TM6SF2: variants seen among roughly 807,000 people sequenced by gnomAD.
TM6SF2 encodes transmembrane 6 superfamily member 2.
Under a neutral mutation model 41.0 loss-of-function variants are expected in TM6SF2, and 29 were observed. That is an observed-to-expected ratio of 0.71 (90% CI 0.53 to 0.96). The LOEUF (loss-of-function observed/expected upper bound fraction) is 0.96, where lower values mean the gene tolerates loss of function less well. TM6SF2 is among the 50% of genes least tolerant of loss of function. TM6SF2 has a pLI of 0.00. For synonymous variants in TM6SF2, 200 were observed against 209.1 expected, an observed-to-expected ratio of 0.96 and a Z score of 0.37; for missense variants, 475 against 499.0, an observed-to-expected ratio of 0.95 and a Z score of 0.46.
Position 19,267,984 on chromosome 19 carries a change from A to G in TM6SF2, c.711+2T>C. On this transcript the variant is annotated splice_donor_variant, in intron 7 of 9. Coordinates refer to ENST00000389363, the MANE Select transcript of TM6SF2 (RefSeq NM_001001524.3). LOFTEE classifies it high-confidence loss of function. Reference sequence around the variant, plus strand: ...GGGGGAGACCAACCAGCGCAGACTCACCAGGCCCCGGAACAGAGTGAAGAA... The same window carrying G: ...GGGGGAGACCAACCAGCGCAGACTCGCCAGGCCCCGGAACAGAGTGAAGAA... The G allele has an allele frequency of 6.2e-7, 1 of 1,613,170 alleles. No homozygotes were observed. The highest frequency in any genetic ancestry group is 8.5e-7 in the Non-Finnish European group (1 of 1,179,356).
chr19:19,271,000 C>G (rs2061021875), intron 2 of TM6SF2, 22 bp downstream of exon 2: 1 of 1,606,768 alleles, frequency 6.2e-7, no homozygotes, highest in South Asian at 1.1e-5. Flanking sequence ...GTCTTCTTCC[C>G]CACAGCTTCC....
chr19:19,268,891 C>T, intron 5 of TM6SF2, 137 bp from the exon 6 acceptor site: 3 of 1,032,350 alleles, frequency 2.9e-6, no homozygotes, highest in Non-Finnish European at 4.0e-6. Context: ...TCACTGCAAC[C>T]TCTGCCTCCC....
intron 7 of TM6SF2, 52 bp from the exon 8 acceptor site, chr19:19,267,765 C>T (rs1449495110): frequency 1.3e-6 from 2 of 1,519,524 alleles, no homozygotes; most frequent in Non-Finnish European, 1.8e-6. Context: ...CCACAGGAAG[C>T]CTCCCCCACC....
At chr19:19,273,058 T>TG in intron 1 of TM6SF2, 63 bp downstream of exon 1, 1 of 470,242 alleles carries the variant, frequency 2.1e-6, no homozygotes, top group Non-Finnish European at 3.8e-6. Flanking sequence ...CCACCTCCAG[T>TG]CCTCCCCGCC....
In TM6SF2 at chr19:19,264,852, C is replaced by A. The variant is rs1035599513; in HGVS notation, c.946G>T (p.Ala316Ser). Reference protein sequence around the residue: ...IGQAQFSHMGASMHLRTPFTY... With the variant: ...IGQAQFSHMGSSMHLRTPFTY... Reference sequence around the variant, plus strand: ...AAGGGTGTGCGCAGGTGCATGGAAGCCCCCATGTGCGAGAACTGTGCCTGG... The same window carrying A: ...AAGGGTGTGCGCAGGTGCATGGAAGACCCCATGTGCGAGAACTGTGCCTGG... Residue 316 changes from alanine (A) to serine (S), a missense_variant, in exon 10 of 10, where the codon GCT becomes TCT. By Grantham distance (99) the Ala-to-Ser change is moderately conservative (BLOSUM62 1). Transcript: ENST00000389363. 1.9e-6 allele frequency: 3 copies of A among 1,578,912 alleles called. No homozygotes were observed. The highest frequency in any genetic ancestry group is 8.6e-7 in the Non-Finnish European group (1 of 1,163,942).
Position 19,264,803 on chromosome 19 carries a change from G to GT in TM6SF2, c.994dup (p.Thr332AsnfsTer85), listed in dbSNP as rs1568610806. ...ATTGCACACGAAGAAGCAGCCCCAGGTGTCCTCAGGCACACGGTAGGTGAA... is the reference window on the plus strand; with the variant it reads ...ATTGCACACGAAGAAGCAGCCCCAGGTTGTCCTCAGGCACACGGTAGGTGAA... On this transcript the variant is annotated frameshift_variant, in exon 10 of 10. Coordinates refer to ENST00000389363, the MANE Select transcript of TM6SF2 (RefSeq NM_001001524.3). LOFTEE classifies it low-confidence loss of function (END_TRUNC). The GT allele has an allele frequency of 1.2e-6, 2 of 1,608,514 alleles. No homozygotes were observed.
Position 19,273,267 on chromosome 19 carries a change from C to A in TM6SF2, c.-52G>T. ...GCCCCGACGCGTTCTCCAGGGCGCT[C>A]GGCTCCTCGTTGGCGGCGAGTCCGG... is the stretch of plus-strand genomic sequence containing the variant. On this transcript the variant is annotated 5_prime_UTR_variant, in exon 1 of 10. Transcript: ENST00000389363. The A allele has an allele frequency of 7.8e-7, 1 of 1,277,724 alleles. No homozygotes were observed. The highest frequency in any genetic ancestry group is 2.1e-5 in the South Asian group (1 of 47,686). 79.1% of individuals were successfully genotyped at this position (1,277,724 alleles called of 1,614,324 possible).
chr19:19,272,403 G>A lies in TM6SF2; in HGVS notation c.95+718C>T, dbSNP rs1451921740. ...GATGAGGGAACTGAGGCTCCCAGAG[G>A]AACTTGGCTCACCCAGGATCCCAGG... On this transcript the variant is annotated intron_variant, in intron 1 of 9. Transcript: ENST00000389363. Among the ~76,000 whole-genome samples the A allele has an allele frequency of 5.3e-5, 8 of 152,360 alleles. No homozygotes were observed. The East Asian group carries it at 1.5e-3, about 29-fold the overall frequency.
chr19:19,264,744 A>G lies in TM6SF2; in HGVS notation c.1054T>C (p.Tyr352His). The G allele has an allele frequency of 6.2e-7, 1 of 1,606,496 alleles. No individual in the cohort carries two copies. Among genetic ancestry groups the G allele is most frequent in the Non-Finnish European group, 8.5e-7 (1 of 1,176,612 alleles). ...AATGCGGGCCACTGAAGGCAACGGT[A>G]GGCCAGCAGGTGGGGGCCCAGCGCA... is the stretch of plus-strand genomic sequence containing the variant. ...LYALGPHLLA[Y>H]RCLQWPAFFH... The change falls in exon 10 of 10, where the codon TAC (tyrosine) becomes CAC (histidine). Residue 352 changes from tyrosine (Y) to histidine (H), a missense_variant. Physicochemically the swap from Tyr to His is moderately conservative, Grantham distance 83. Transcript: ENST00000389363.
chr19:19,265,083 C>T (rs2060998434), intron 9 of TM6SF2, among the ~76,000 whole-genome samples: 1 of 149,380 alleles, frequency 6.7e-6, no homozygotes, highest in Non-Finnish European at 1.5e-5. Flanking sequence ...ATTCTGTTGC[C>T]CATGCTGGAG....
chr19:19,267,821 A>C, intron 7 of TM6SF2, 108 bp from the exon 8 acceptor site: 1 of 1,192,874 alleles, frequency 8.4e-7, no homozygotes, highest in Non-Finnish European at 1.2e-6. Flanking sequence ...AGCCCAGCTC[A>C]AGTTGGGCTG....
chr19:19,270,839 G>T (rs1372196514), intron 2 of TM6SF2, among the ~76,000 whole-genome samples, 183 bp downstream of exon 2: 1 of 152,192 alleles, frequency 6.6e-6, no homozygotes, highest in African/African-American at 2.4e-5. Context: ...GCTCTGAAGG[G>T]GGAGGCTCTT....
In TM6SF2 at chr19:19,271,124, G is replaced by A. The variant is rs758849576; in HGVS notation, c.97C>T (p.Pro33Ser). The change falls in exon 2 of 10, where the codon CCC (proline) becomes TCC (serine). Residue 33 changes from proline (P) to serine (S), a missense_variant and splice_region_variant. By Grantham distance (74) the Pro-to-Ser change is moderately conservative. Transcript: ENST00000389363. The part of the protein sequence containing the change: ...ALNHVSALSH[P>S]LWVALMSALI... ...GCGCTCATCAATGCCACCCACAGGG[G>A]GCTGTGGAGAGGGAAGCCAAGTCAG... 2 of 1,613,854 alleles carry A rather than the reference G, an allele frequency of 1.2e-6. No homozygotes were observed. The highest frequency in any genetic ancestry group is 2.2e-5 in the South Asian group (2 of 91,082).
Position 19,264,684 on chromosome 19 carries a change from G to A in TM6SF2, c.1114C>T (p.Leu372Phe). ...CTCTCTCAATGCTGCTTCTTGTGGA[G>A]GGCTAGGGGGTCGGAGGGTGGTGGC... The part of the protein sequence containing the change: ...HQPPPSDPLA[L>F]HKKQH Residue 372 changes from leucine (L) to phenylalanine (F), a missense_variant, in exon 10 of 10, where the codon CTC becomes TTC. By Grantham distance (22) the Leu-to-Phe change is conservative. Transcript: ENST00000389363. The A allele has an allele frequency of 6.4e-7, 1 of 1,551,864 alleles. No individual in the cohort carries two copies.
In TM6SF2 at chr19:19,269,701, G is replaced by A. The variant is rs777707469; in HGVS notation, c.470C>T (p.Thr157Ile). The change falls in exon 5 of 10, where the codon ACA (threonine) becomes ATA (isoleucine). Residue 157 changes from threonine (T) to isoleucine (I), a missense_variant. Coordinates refer to ENST00000389363, the MANE Select transcript of TM6SF2 (RefSeq NM_001001524.3). ...SFAMSILVFL[T>I]GNILGKYSSE... ...CTTGTCCTTACCAAGAATGTTTCCT[G>A]TAAGGAACACCAGGATGCTCATGGC... The A allele has an allele frequency of 1.9e-6, 3 of 1,614,158 alleles. No individual in the cohort carries two copies. The highest frequency in any genetic ancestry group is 8.5e-7 in the Non-Finnish European group (1 of 1,180,022).
Position 19,270,271 on chromosome 19 carries a change from C to T in TM6SF2, c.303G>A (p.Glu101=), listed in dbSNP as rs751648928. Residue 101 remains glutamate (E), a synonymous_variant, in exon 4 of 10, where the codon GAG becomes GAA. Coordinates refer to ENST00000389363, the MANE Select transcript of TM6SF2 (RefSeq NM_001001524.3). ...GFMEFYTKEG[E]PYLRTAHGVF... ...CTCCGTGCGCTGTGCGCAGGTATGG[C>T]TCTCCCTGTGGGGGCAGGTGGGAGA... 7 of 1,614,210 alleles carry T rather than the reference C, an allele frequency of 4.3e-6. No homozygotes were observed. The highest frequency in any genetic ancestry group is 5.9e-6 in the Non-Finnish European group (7 of 1,180,036).
chr19:19,269,603 T>C (rs1037298336), intron 5 of TM6SF2, 84 bp downstream of exon 5: 1 of 1,530,832 alleles, frequency 6.5e-7, no homozygotes, highest in African/African-American at 1.4e-5. Flanking sequence ...AGGGAAGGGA[T>C]GGAGGATCCA....
At chr19:19,272,692 GGTGTGTGTGTGTGTGTGT>G (rs55690765) in intron 1 of TM6SF2, among the ~76,000 whole-genome samples, 1 of 136,750 alleles carries the variant, frequency 7.3e-6, no homozygotes, top group African/African-American at 2.8e-5. Flanking sequence ...AATGGAGTAG[GGTGTGTGTGTGTGTGTGT>G]GTGTGTGTGT....
intron 4 of TM6SF2, 106 bp from the exon 5 acceptor site, chr19:19,269,875 C>T: frequency 6.3e-7 from 1 of 1,584,940 alleles, no homozygotes; most frequent in Non-Finnish European, 8.6e-7. Flanking sequence ...GGGTCCCTTT[C>T]AGTTTTGCCC....
Sources: gnomAD v4.1 joint callset for allele counts (sites outside exome capture counted in the v4.1 genomes callset) on GRCh38, gnomAD v4.1.1 for gene constraint, MANE v1.5 for transcripts, NCBI Gene and HGNC (gene_info 2026-07-23, HGNC 2026-07-21) for gene names.